Variants in BLTP1 observed in about 807,000 individuals in gnomAD.
BLTP1 encodes fragile site-associated protein.
chr4:122,182,612 C>A, the BLTP1 span: 1 of 983,422 alleles, frequency 1.0e-6, no homozygotes, highest in South Asian at 4.7e-5. Context: ...TTCACAGGAG[C>A]CCTCCATCTA....
At chr4:122,185,949 T>C in the BLTP1 span, 2 of 1,032,024 alleles carry the variant, frequency 1.9e-6, no homozygotes, top group African/African-American at 1.6e-5. Context: ...TAAATTGAAT[T>C]ACTTTGGGTG....
chr4:122,333,624 C>T, the BLTP1 span: 1 of 1,585,380 alleles, frequency 6.3e-7, no homozygotes, highest in Admixed American at 2.0e-5. Context: ...TTTTTCTGTT[C>T]ACAGGAGTTA....
chr4:122,237,880 G>A, the BLTP1 span, among the ~76,000 whole-genome samples: 1 of 151,628 alleles, frequency 6.6e-6, no homozygotes, highest in Non-Finnish European at 1.5e-5. Context: ...CTACTTGGCA[G>A]GCTGAGGCAG....
At chr4:122,334,270 C>A in the BLTP1 span, 2 of 1,303,144 alleles carry the variant, frequency 1.5e-6, no homozygotes, top group Admixed American at 4.1e-5. Context: ...TTCTTTCTAC[C>A]ACATTTTTCT....
chr4:122,355,554 A>C, the BLTP1 span, among the ~76,000 whole-genome samples: 3 of 148,136 alleles, frequency 2.0e-5, no homozygotes, highest in Non-Finnish European at 4.5e-5. Context: ...TACTACATAT[A>C]TATCTATATC....
chr4:122,193,730 G>C, the BLTP1 span: 1 of 868,902 alleles, frequency 1.2e-6, no homozygotes, highest in Non-Finnish European at 1.4e-6. Flanking sequence ...TCGTTCACTT[G>C]AGCAGATATT....
chr4:122,235,000 A>G, the BLTP1 span: 1 of 1,601,176 alleles, frequency 6.2e-7, no homozygotes, highest in Non-Finnish European at 8.5e-7. Flanking sequence ...ATAATTACTA[A>G]AGAAATTCCC....
chr4:122,350,509 G>C, the BLTP1 span: 1 of 436,500 alleles, frequency 2.3e-6, no homozygotes, highest in Non-Finnish European at 3.0e-6. Context: ...TCTAGTGGTG[G>C]ACAGAATCAC....
At chr4:122,239,250 G>C in the BLTP1 span, among the ~76,000 whole-genome samples, 1 of 152,056 alleles carries the variant, frequency 6.6e-6, no homozygotes, top group Admixed American at 6.5e-5. Context: ...AGTGTCCATG[G>C]ATTATGGATA....
the BLTP1 span, among the ~76,000 whole-genome samples, chr4:122,238,857 C>T: frequency 1.3e-5 from 2 of 152,168 alleles, no homozygotes; most frequent in Non-Finnish European, 2.9e-5. Flanking sequence ...AACATTCTCT[C>T]CTTTTTCTCC....
At chr4:122,350,045 G>A in the BLTP1 span, 2 of 1,613,748 alleles carry the variant, frequency 1.2e-6, no homozygotes, top group Admixed American at 1.7e-5. Context: ...ACAATGACTA[G>A]CAACCTAGAA....
chr4:122,299,187 G>A, the BLTP1 span: 16 of 975,282 alleles, frequency 1.6e-5, no homozygotes, highest in Non-Finnish European at 4.9e-6. Flanking sequence ...GCTGATAAGG[G>A]TGTATCAGAA....
At chr4:122,169,690 TATAC>T in the BLTP1 span, 3 of 976,280 alleles carry the variant, frequency 3.1e-6, no homozygotes, top group South Asian at 4.7e-5. Flanking sequence ...CACATATCTA[TATAC>T]ATACATATGT....
chr4:122,176,471 T>C, the BLTP1 span, among the ~76,000 whole-genome samples: 1 of 152,094 alleles, frequency 6.6e-6, no homozygotes, highest in Admixed American at 6.6e-5. Flanking sequence ...ATATATAAAA[T>C]AGAAAATATT....
the BLTP1 span, chr4:122,279,644 A>G: frequency 9.9e-7 from 1 of 1,007,252 alleles, no homozygotes; most frequent in Non-Finnish European, 1.4e-6. Context: ...TTTTTGTAAT[A>G]CACATTTTCC....
At chr4:122,287,441 A>G in the BLTP1 span, 2 of 219,642 alleles carry the variant, frequency 9.1e-6, no homozygotes, top group East Asian at 3.7e-4. Context: ...CTTGAAGCGG[A>G]GAAGTAAACA....
At chr4:122,282,194 C>A in the BLTP1 span, 3 of 470,006 alleles carry the variant, frequency 6.4e-6, no homozygotes, top group Non-Finnish European at 8.3e-6. Flanking sequence ...ATTAATATAT[C>A]CTATCTCAAA....
the BLTP1 span, among the ~76,000 whole-genome samples, chr4:122,166,706 G>A: frequency 1.2e-4 from 19 of 152,302 alleles, no homozygotes; most frequent in African/African-American, 4.3e-4. Flanking sequence ...CTACCCATGA[G>A]CATGGAATGT....
the BLTP1 span, chr4:122,308,134 T>A: frequency 6.2e-7 from 1 of 1,613,240 alleles, no homozygotes; most frequent in Non-Finnish European, 8.5e-7. Flanking sequence ...TCTGGGAATT[T>A]GCCTACCTAT....
Sources: gnomAD v4.1 joint callset for allele counts (sites outside exome capture counted in the v4.1 genomes callset) on GRCh38, gnomAD v4.1.1 for gene constraint, MANE v1.5 for transcripts, NCBI Gene and HGNC (gene_info 2026-07-23, HGNC 2026-07-21) for gene names.